The following LDAH variants were observed in gnomAD, a reference collection of about 807,000 sequenced individuals.
The protein encoded by LDAH is lipid droplet-associated hydrolase.
A neutral mutation model predicts 29.6 loss-of-function variants in LDAH; 26 were observed. That is an observed-to-expected ratio of 0.88 (90% CI 0.64 to 1.22). The LOEUF is 1.22. Ranked by LOEUF, LDAH falls within the 50% of genes most tolerant of loss-of-function variation. The pLI is 0.00. For synonymous variants in LDAH, 117 were observed against 133.0 expected (o/e 0.88, Z 0.83); for missense variants, 344 against 387.3 (o/e 0.89, Z 0.94).
At chr2:20,781,262 C>T (rs916702188) in intron 3 of LDAH, among the ~76,000 whole-genome samples, 1 of 152,156 alleles carries the variant, frequency 6.6e-6, no homozygotes, top group East Asian at 1.9e-4. Context: ...GAATCATCCC[C>T]TTCTGACATT....
At chr2:20,764,802 T>C (rs1668920651) in intron 4 of LDAH, among the ~76,000 whole-genome samples, 2 of 152,242 alleles carry the variant, frequency 1.3e-5, no homozygotes, top group Admixed American at 1.3e-4. Context: ...GAAAACAGAA[T>C]ACAGAGTCCC....
chr2:20,752,609 T>G (rs924210936), intron 4 of LDAH, among the ~76,000 whole-genome samples: 1 of 152,116 alleles, frequency 6.6e-6, no homozygotes, highest in Admixed American at 6.5e-5. Context: ...CAGGTCTTCG[T>G]ACTGAAATAG....
chr2:20,723,680 A>G (rs1048913649), intron 5 of LDAH, among the ~76,000 whole-genome samples: 7 of 152,158 alleles, frequency 4.6e-5, no homozygotes, highest in Non-Finnish European at 1.0e-4. Context: ...AGAAATGCTC[A>G]TAATACAACA....
chr2:20,769,240 C>T (rs1669249787), intron 4 of LDAH, among the ~76,000 whole-genome samples: 1 of 152,166 alleles, frequency 6.6e-6, no homozygotes, highest in Admixed American at 6.5e-5. Context: ...GAAGCTCTTC[C>T]AGGAAGCTTT....
intron 5 of LDAH, among the ~76,000 whole-genome samples, chr2:20,719,150 A>C (rs1258847204): frequency 6.6e-6 from 1 of 151,866 alleles, no homozygotes; most frequent in Non-Finnish European, 1.5e-5. Flanking sequence ...TAGAATAAAA[A>C]AAATAATAAA....
intron 5 of LDAH, among the ~76,000 whole-genome samples, chr2:20,718,903 C>T (rs1665440420): frequency 1.3e-5 from 2 of 151,990 alleles, no homozygotes; most frequent in African/African-American, 4.8e-5. Flanking sequence ...ACAACATGCT[C>T]CCAAATGACC....
At chr2:20,822,859 T>C (rs1673433621) in intron 1 of LDAH, among the ~76,000 whole-genome samples, 178 bp downstream of exon 1, 2 of 152,208 alleles carry the variant, frequency 1.3e-5, no homozygotes, top group African/African-American at 4.8e-5. Flanking sequence ...CCAGGCCAAG[T>C]GGCTCCGAAC....
At chr2:20,754,500 CAAAAAAA>C (rs61076745) in intron 4 of LDAH, among the ~76,000 whole-genome samples, 1 of 77,438 alleles carries the variant, frequency 1.3e-5, no homozygotes, top group South Asian at 5.8e-4. Context: ...ACCCTCGCCA[CAAAAAAA>C]AAAAAAAAAA....
chr2:20,707,608 C>T (rs935473133), intron 5 of LDAH, among the ~76,000 whole-genome samples: 23 of 152,042 alleles, frequency 1.5e-4, no homozygotes, highest in African/African-American at 5.1e-4. Flanking sequence ...GCAGAGGGGA[C>T]CCCCTGAATT....
chr2:20,712,913 T>C (rs992949792), intron 5 of LDAH, among the ~76,000 whole-genome samples: 8 of 152,174 alleles, frequency 5.3e-5, no homozygotes, highest in African/African-American at 1.9e-4. Flanking sequence ...CTATGTTTGA[T>C]TAGTGTACCT....
chr2:20,707,781 G>C (rs2149366116), intron 5 of LDAH, among the ~76,000 whole-genome samples: 1 of 152,348 alleles, frequency 6.6e-6, no homozygotes, highest in African/African-American at 2.4e-5. Flanking sequence ...CACTAGAGCA[G>C]CACCAGTACT....
At chr2:20,812,720 G>A (rs1296289558) in intron 1 of LDAH, among the ~76,000 whole-genome samples, 1 of 152,202 alleles carries the variant, frequency 6.6e-6, no homozygotes, top group East Asian at 1.9e-4. Context: ...AGTAATGTAA[G>A]CCAGTGAGGA....
At position 20,686,260 on chromosome 2, in the gene LDAH, C is replaced by G. The variant is rs971366907; in HGVS notation, c.*643G>C. 6.5e-6 allele frequency: 1 copy of G among 152,682 alleles called. No individual in the cohort carries two copies. The highest frequency in any genetic ancestry group is 1.9e-4 in the East Asian group (1 of 5,196). 9.5% of individuals were successfully genotyped at this position (152,682 alleles called of 1,614,324 possible). Reference sequence around the variant, plus strand: ...TTGGGGTCCTTCAACAATTCTTTATCTGGTTAGCTGACCAGAGTAATGTCT... The same window carrying G: ...TTGGGGTCCTTCAACAATTCTTTATGTGGTTAGCTGACCAGAGTAATGTCT... On this transcript the variant is annotated 3_prime_UTR_variant, in exon 7 of 7. Transcript: ENST00000237822.
chr2:20,759,053 C>T (rs1668513161), intron 4 of LDAH, among the ~76,000 whole-genome samples: 1 of 152,188 alleles, frequency 6.6e-6, no homozygotes. Flanking sequence ...AGAAGCTCCT[C>T]AGCATCTTCC....
rs533779845 is a variant in LDAH at position 20,794,854 on chromosome 2, G to A, written c.155-4456C>T. 7.2e-5 allele frequency among the ~76,000 whole-genome samples: 11 copies of A among 152,258 alleles called. No homozygotes were observed. The East Asian group carries it at 1.3e-3, about 19-fold the overall frequency. On this transcript the variant is annotated intron_variant, in intron 2 of 6. Transcript: ENST00000237822. ...TACAATAAATCCTTTCAAACTGAAC[G>A]CATAGCAAGTATCACAAAGGTCTAA...
chr2:20,709,859 A>G (rs533656024), intron 5 of LDAH, among the ~76,000 whole-genome samples: 50 of 152,128 alleles, frequency 3.3e-4, no homozygotes, highest in Non-Finnish European at 6.5e-4. Flanking sequence ...CCATGAAAAA[A>G]CCCTGAAAAC....
At chr2:20,792,135 C>T (rs1671003802) in intron 2 of LDAH, among the ~76,000 whole-genome samples, 1 of 151,976 alleles carries the variant, frequency 6.6e-6, no homozygotes, top group Non-Finnish European at 1.5e-5. Flanking sequence ...AATTTCATCT[C>T]ATTAATATAT....
At chr2:20,812,866 G>C (rs1672592770) in intron 1 of LDAH, among the ~76,000 whole-genome samples, 1 of 152,152 alleles carries the variant, frequency 6.6e-6, no homozygotes. Flanking sequence ...ACTGTGCTAA[G>C]CACTTAACAG....
At chr2:20,700,716 A>G (rs1663868031) in intron 6 of LDAH, among the ~76,000 whole-genome samples, 1 of 152,252 alleles carries the variant, frequency 6.6e-6, no homozygotes, top group African/African-American at 2.4e-5. Flanking sequence ...TTAAAAAATT[A>G]TAAAGGAATG....
Sources: gnomAD v4.1 joint callset for allele counts (sites outside exome capture counted in the v4.1 genomes callset) on GRCh38, gnomAD v4.1.1 for gene constraint, MANE v1.5 for transcripts, NCBI Gene and HGNC (gene_info 2026-07-23, HGNC 2026-07-21) for gene names.